The following PACSIN1 variants were observed in gnomAD, a reference collection of about 807,000 sequenced individuals.
The protein encoded by PACSIN1 is protein kinase C and casein kinase substrate in neurons 1.
PACSIN1 carries 15 observed loss-of-function variants against 59.5 expected under a neutral mutation model. The ratio of observed to expected loss-of-function variants is 0.25; its 90% confidence interval spans 0.17 to 0.39. The LOEUF (loss-of-function observed/expected upper bound fraction) is 0.39, where lower values mean the gene tolerates loss of function less well. Among genes scored for constraint, PACSIN1 ranks in the 10% least tolerant of loss-of-function variants. The pLI is 1.00. For missense variants in PACSIN1, 420 were observed against 580.2 expected (o/e 0.72, Z 2.84); for synonymous variants, 210 against 220.6 (o/e 0.95, Z 0.42).
At position 34,534,751 on chromosome 6, in the gene PACSIN1, G is replaced by C. The variant is rs1440182376; in HGVS notation, c.*2221G>C. 6.5e-6 allele frequency: 1 copy of C among 152,728 alleles called. No homozygotes were observed. The allele number at this position is 152,728 out of a possible 1,614,324, so 9.5% of individuals were successfully genotyped here. ...GGCCCTGTTTGGGACCACTCTCTCAGTCCCCAGGTCCTCAGGGCCCCAGAG... is the reference window on the plus strand; with the variant it reads ...GGCCCTGTTTGGGACCACTCTCTCACTCCCCAGGTCCTCAGGGCCCCAGAG... On this transcript the variant is annotated 3_prime_UTR_variant, in exon 10 of 10. Coordinates refer to ENST00000244458, the MANE Select transcript of PACSIN1 (RefSeq NM_020804.5).
At chr6:34,495,384 A>C (rs1241198365) in intron 1 of PACSIN1, among the ~76,000 whole-genome samples, 1 of 152,190 alleles carries the variant, frequency 6.6e-6, no homozygotes, top group Non-Finnish European at 1.5e-5. Context: ...TCAAAACTAA[A>C]ACAGGGACAG....
chr6:34,474,368 C>A (rs1211432588), intron 1 of PACSIN1, among the ~76,000 whole-genome samples: 1 of 152,152 alleles, frequency 6.6e-6, no homozygotes, highest in Non-Finnish European at 1.5e-5. Context: ...TTTGCAGCAG[C>A]CTCTACCTGG....
At chr6:34,527,559 C>G in intron 3 of PACSIN1, 71 bp downstream of exon 3, 1 of 1,389,574 alleles carries the variant, frequency 7.2e-7, no homozygotes, top group South Asian at 1.4e-5. Context: ...GTCCTAGGAG[C>G]CCCGGCTACT....
At chr6:34,480,522 G>C (rs933446585) in intron 1 of PACSIN1, among the ~76,000 whole-genome samples, 8 of 152,110 alleles carry the variant, frequency 5.3e-5, no homozygotes, top group African/African-American at 1.9e-4. Context: ...CACTGTACCT[G>C]ACTCATTTTT....
At position 34,530,212 on chromosome 6, in the gene PACSIN1, C is replaced by A; in HGVS notation, c.789-31C>A. 6.3e-7 allele frequency: 1 copy of A among 1,587,460 alleles called. No homozygotes were observed. On this transcript the variant is annotated intron_variant, in intron 6 of 9. Coordinates refer to ENST00000244458, the MANE Select transcript of PACSIN1 (RefSeq NM_020804.5). The surrounding 1 kb of genome is among the most constrained non-coding windows in gnomAD (Gnocchi z 4.4). ...GAGGAGGGGCCATGTTGAATCTGTG[C>A]CCTCCACCTCCCCCATCTCCCTGAG...
rs1767532776 is a variant in PACSIN1 at position 34,528,700 on chromosome 6, G to A, written c.279G>A (p.Lys93=). ...GTGCCATAATGACAGAGGCAGACAA[G>A]GTGAGCGAGCTGCACCAGGAGGTGA... The part of the protein sequence containing the change: ...AWGAIMTEAD[K]VSELHQEVKN... Residue 93 remains lysine, a synonymous_variant, in exon 4 of 10, where the codon AAG becomes AAA. Transcript: ENST00000244458. 6.2e-7 allele frequency: 1 copy of A among 1,613,976 alleles called. No individual in the cohort carries two copies. The highest frequency in any genetic ancestry group is 1.7e-5 in the Admixed American group (1 of 60,008).
chr6:34,504,290 ATTTT>A (rs368149319), intron 1 of PACSIN1, among the ~76,000 whole-genome samples: 2,246 of 93,940 alleles, frequency 0.024, 61 homozygotes, highest in Admixed American at 0.063. Flanking sequence ...ATATATATAT[ATTTT>A]TTTTTTTTTT....
At chr6:34,524,445 C>T (rs1031941561) in intron 1 of PACSIN1, among the ~76,000 whole-genome samples, 3 of 152,326 alleles carry the variant, frequency 2.0e-5, no homozygotes, top group African/African-American at 7.2e-5. Context: ...CCCCATTCCC[C>T]GAAGATGGTC....
chr6:34,510,765 T>G (rs1354263738), intron 1 of PACSIN1, among the ~76,000 whole-genome samples: 1 of 152,210 alleles, frequency 6.6e-6, no homozygotes, highest in Non-Finnish European at 1.5e-5. Flanking sequence ...TAGGTTGGAG[T>G]GCAGTGATGC....
intron 1 of PACSIN1, among the ~76,000 whole-genome samples, chr6:34,523,035 G>A (rs1767422042): frequency 6.6e-6 from 1 of 152,186 alleles, no homozygotes; most frequent in Non-Finnish European, 1.5e-5. Context: ...CGGAAATAAT[G>A]CTTCACCAGC....
chr6:34,474,126 T>A (rs1013352147), intron 1 of PACSIN1, among the ~76,000 whole-genome samples: 1 of 152,200 alleles, frequency 6.6e-6, no homozygotes, highest in East Asian at 1.9e-4. Context: ...AGGTGGTTTG[T>A]CCTGCTGTGT....
chr6:34,532,576 C>T lies in PACSIN1; in HGVS notation c.*46C>T, dbSNP rs1767621256. 3 of 1,042,830 alleles carry T rather than the reference C, an allele frequency of 2.9e-6. No homozygotes were observed. Among genetic ancestry groups the T allele is most frequent in the Non-Finnish European group, 4.3e-6 (3 of 698,028 alleles). 64.6% of individuals were successfully genotyped at this position (1,042,830 alleles called of 1,614,324 possible). A position where few individuals can be genotyped will look rare whatever the true frequency, so the allele number is the denominator to read the frequency against. The stretch of plus-strand genomic sequence containing the variant: ...CCCGTCACTCCTCCCCACTGCCGCC[C>T]CTCCCCTCCCACTCTCGTCTCCTTC... On this transcript the variant is annotated 3_prime_UTR_variant, in exon 10 of 10. Transcript: ENST00000244458. The surrounding 1 kb of genome is among the most constrained non-coding windows in gnomAD (Gnocchi z 5.2).
Position 34,532,584 on chromosome 6 carries a change from C to T in PACSIN1, c.*54C>T. On this transcript the variant is annotated 3_prime_UTR_variant, in exon 10 of 10. Coordinates refer to ENST00000244458, the MANE Select transcript of PACSIN1 (RefSeq NM_020804.5). This position sits in a 1 kb window ranked among gnomAD's most constrained non-coding sequence, Gnocchi z 5.2. ...TCCTCCCCACTGCCGCCCCTCCCCT[C>T]CCACTCTCGTCTCCTTCCCCTCGCC... is the stretch of plus-strand genomic sequence containing the variant. 1.0e-6 allele frequency: 1 copy of T among 961,670 alleles called. No homozygotes were observed. Among genetic ancestry groups the T allele is most frequent in the South Asian group, 1.5e-5 (1 of 66,256 alleles). 59.6% of individuals were successfully genotyped at this position (961,670 alleles called of 1,614,324 possible). A position where few individuals can be genotyped will look rare whatever the true frequency, so the allele number is the denominator to read the frequency against.
intron 1 of PACSIN1, among the ~76,000 whole-genome samples, chr6:34,486,457 G>A (rs986683451): frequency 6.6e-6 from 1 of 152,128 alleles, no homozygotes; most frequent in Non-Finnish European, 1.5e-5. Flanking sequence ...TGGAGGCCAC[G>A]GGGTATGGAA....
chr6:34,474,812 GC>G (rs1246540889), intron 1 of PACSIN1, among the ~76,000 whole-genome samples: 1 of 77,994 alleles, frequency 1.3e-5, no homozygotes, highest in East Asian at 4.2e-4. Flanking sequence ...AAAAAAAAAA[GC>G]CCTATAATTG....
chr6:34,516,595 AG>A lies in PACSIN1; in HGVS notation c.-63-9645del, dbSNP rs2127267093. 6.6e-6 allele frequency among the ~76,000 whole-genome samples: 1 copy of A among 152,240 alleles called. No homozygotes were observed. The highest frequency in any genetic ancestry group is 6.5e-5 in the Admixed American group (1 of 15,296). ...TGGAGCAGGGGCTGGTGAGGCCTGG[AG>A]GGCAGGTTCTTTGGGTGAGAGCTGA... is the stretch of plus-strand genomic sequence containing the variant. On this transcript the variant is annotated intron_variant, in intron 1 of 9. Transcript: ENST00000244458. The surrounding 1 kb of genome is among the most constrained non-coding windows in gnomAD (Gnocchi z 5.4).
intron 1 of PACSIN1, among the ~76,000 whole-genome samples, chr6:34,487,703 T>C (rs748478735): frequency 1.3e-4 from 20 of 152,186 alleles, no homozygotes; most frequent in Admixed American, 1.1e-3. Flanking sequence ...CACCCTCGCA[T>C]TGACCAGTCA....
At chr6:34,469,294 A>G (rs866540939) in intron 1 of PACSIN1, among the ~76,000 whole-genome samples, 8 of 152,094 alleles carry the variant, frequency 5.3e-5, no homozygotes, top group African/African-American at 1.9e-4. Flanking sequence ...GGCAATTTAG[A>G]ATGTACTAGA....
chr6:34,492,476 T>C (rs955845068), intron 1 of PACSIN1, among the ~76,000 whole-genome samples: 9 of 152,088 alleles, frequency 5.9e-5, no homozygotes, highest in African/African-American at 2.2e-4. Context: ...CTCTGCCTCC[T>C]AGGTTCAAGC....
Sources: gnomAD v4.1 joint callset for allele counts (sites outside exome capture counted in the v4.1 genomes callset) on GRCh38, gnomAD v4.1.1 for gene constraint, Gnocchi (gnomAD v3.1) non-coding constraint, MANE v1.5 for transcripts, NCBI Gene and HGNC (gene_info 2026-07-23, HGNC 2026-07-21) for gene names.